CCDC187: variants seen among roughly 807,000 people sequenced by gnomAD.
The protein encoded by CCDC187 is coiled-coil domain-containing protein 187.
Under a neutral mutation model 38.0 loss-of-function variants are expected in CCDC187, and 32 were observed. That is an observed-to-expected ratio of 0.84 (90% CI 0.64 to 1.13). The LOEUF is 1.13. CCDC187 is among the 50% of genes most tolerant of loss of function. CCDC187 has a pLI of 0.00. For missense variants in CCDC187, 707 were observed against 786.8 expected (o/e 0.90, Z 1.21); for synonymous variants, 333 against 347.9 (o/e 0.96, Z 0.48).
rs1334264856 is a variant in CCDC187, at chr9:136,253,823, A to C, written c.6005T>G (p.Leu2002Arg). The C allele has an allele frequency of 1.0e-6, 1 of 985,204 alleles. No homozygotes were observed. Among genetic ancestry groups the C allele is most frequent in the African/African-American group, 1.7e-5 (1 of 57,212 alleles). 61.0% of individuals were successfully genotyped at this position (985,204 alleles called of 1,614,324 possible). Residue 2002 changes from leucine to arginine, a missense_variant, in exon 26 of 26, where the codon CTC becomes CGC. Coordinates refer to ENST00000638797, the MANE Select transcript of CCDC187 (RefSeq NM_001378188.1). ...DELLSYGSADLPSSIHREAPL... is the reference protein window; with the variant it reads ...DELLSYGSADRPSSIHREAPL... Reference sequence around the variant, plus strand: ...GGCCTCCCTGTGGATGGAGGACGGGAGGTCGGCACTGCCGTAGGACAGCAA... The same window carrying C: ...GGCCTCCCTGTGGATGGAGGACGGGCGGTCGGCACTGCCGTAGGACAGCAA...
chr9:136,291,433 C>G lies in CCDC187; in HGVS notation c.1180G>C (p.Gly394Arg), dbSNP rs1831327187. The G allele has an allele frequency of 2.3e-5, 9 of 398,790 alleles. No individual in the cohort carries two copies. Among genetic ancestry groups the G allele is most frequent in the Non-Finnish European group, 1.8e-5 (4 of 226,272 alleles). The allele number at this position is 398,790 out of a possible 1,614,324, so 24.7% of individuals were successfully genotyped here. A position where few individuals can be genotyped will look rare whatever the true frequency, so the allele number is the denominator to read the frequency against. Residue 394 changes from glycine to arginine, a missense_variant, in exon 6 of 26, where the codon GGA (glycine) becomes CGA (arginine). Physicochemically the swap from Gly to Arg is moderately radical, Grantham distance 125. Transcript: ENST00000638797. ...TTTGATGGCCCGAGCTCTTGCCCTC[C>G]CTTGCGGGCCTGGGCCAGCTCCAGC... ...AGLELAQARK[G>R]GQELGPSKRR...
chr9:136,271,026 C>T (rs1830831190), intron 14 of CCDC187, among the ~76,000 whole-genome samples: 2 of 152,168 alleles, frequency 1.3e-5, no homozygotes, highest in African/African-American at 2.4e-5. Context: ...TAACTATTTT[C>T]TTTATTATAC....
rs1357093835 is a variant in CCDC187, at chr9:136,303,102, G to A, written c.335C>T (p.Ser112Leu). 13 of 398,488 alleles carry A rather than the reference G, an allele frequency of 3.3e-5. No homozygotes were observed. The highest frequency in any genetic ancestry group is 1.1e-4 in the East Asian group (3 of 28,086). 24.7% of individuals were successfully genotyped at this position (398,488 alleles called of 1,614,324 possible). A position where few individuals can be genotyped will look rare whatever the true frequency, so the allele number is the denominator to read the frequency against. Residue 112 changes from serine to leucine, a missense_variant, in exon 2 of 26, where the codon TCG (serine) becomes TTG (leucine). By Grantham distance (145) the Ser-to-Leu change is moderately radical. Coordinates refer to ENST00000638797, the MANE Select transcript of CCDC187 (RefSeq NM_001378188.1). ...GCACGAGAGGCGGCCCGATGACACC[G>A]AGCTGTCCCCATCCCTAGCCTCCGG... ...TGPEARDGDSSVSSGRLSCSS... is the reference protein window; with the variant it reads ...TGPEARDGDSLVSSGRLSCSS...
At chr9:136,306,849 A>G (rs1831810176), upstream of CCDC187, 1 of 152,342 alleles carries the variant, frequency 6.6e-6, no homozygotes, top group Non-Finnish European at 1.5e-5. Flanking sequence ...AGAGGCCAAG[A>G]GCCGTGACTG....
chr9:136,268,202 G>A lies in CCDC187; in HGVS notation c.3443-77C>T, dbSNP rs940150747. The stretch of plus-strand genomic sequence containing the variant: ...TGTCAGGGGCCATTTCTACCGGAGG[G>A]CCTCATAAAAGTAGGAGGTCTAGGG... On this transcript the variant is annotated intron_variant, in intron 14 of 25. Coordinates refer to ENST00000638797, the MANE Select transcript of CCDC187 (RefSeq NM_001378188.1). 2.0e-5 allele frequency: 18 copies of A among 921,502 alleles called. No homozygotes were observed. The African/African-American group carries it at 3.0e-4, about 16-fold the overall frequency. The allele number at this position is 921,502 out of a possible 1,614,324, so 57.1% of individuals were successfully genotyped here.
Position 136,255,054 on chromosome 9 carries a change from C to T in CCDC187, c.4774G>A (p.Gly1592Ser), listed in dbSNP as rs560764849. 263 of 985,476 alleles carry T rather than the reference C, an allele frequency of 2.7e-4. No individual in the cohort carries two copies. The highest frequency in any genetic ancestry group is 1.6e-3 in the African/African-American group (93 of 57,338). 61.0% of individuals were successfully genotyped at this position (985,476 alleles called of 1,614,324 possible). The change falls in exon 26 of 26, where the codon GGT becomes AGT. Residue 1592 changes from glycine (G) to serine (S), a missense_variant. Transcript: ENST00000638797. ...CCAGAAGCAGACTCAGAGCCTGGACCGCAGGAGGAGGTGGTGGGGAGAAGG... is the reference window on the plus strand; with the variant it reads ...CCAGAAGCAGACTCAGAGCCTGGACTGCAGGAGGAGGTGGTGGGGAGAAGG... ...SPLLPTTSSC[G>S]PGSESASGTC...
At position 136,268,045 on chromosome 9, in the gene CCDC187, G is replaced by A. The variant is rs958208454; in HGVS notation, c.3519+4C>T. The A allele has an allele frequency of 1.9e-5, 19 of 985,370 alleles. No homozygotes were observed. Among genetic ancestry groups the A allele is most frequent in the Middle Eastern group, 5.2e-4 (1 of 1,936 alleles). The allele number at this position is 985,370 out of a possible 1,614,324, so 61.0% of individuals were successfully genotyped here. A position where few individuals can be genotyped will look rare whatever the true frequency, so the allele number is the denominator to read the frequency against. On this transcript the variant is annotated splice_donor_region_variant and intron_variant, in intron 15 of 25. Coordinates refer to ENST00000638797, the MANE Select transcript of CCDC187 (RefSeq NM_001378188.1). ...CCTCTCCCCCAGGGGACCTCTCCAC[G>A]TACCTGGTGGGTGGGGTTGTCCGGA...
In CCDC187 at chr9:136,251,544, C is replaced by G. The variant is rs1830535922; in HGVS notation, c.*2050G>C. 1 of 166,654 alleles carries G rather than the reference C, an allele frequency of 6.0e-6. No individual in the cohort carries two copies. The highest frequency in any genetic ancestry group is 1.3e-5 in the Non-Finnish European group (1 of 74,852). 10.3% of individuals were successfully genotyped at this position (166,654 alleles called of 1,614,324 possible). A position where few individuals can be genotyped will look rare whatever the true frequency, so the allele number is the denominator to read the frequency against. On this transcript the variant is annotated 3_prime_UTR_variant, in exon 26 of 26. Coordinates refer to ENST00000638797, the MANE Select transcript of CCDC187 (RefSeq NM_001378188.1). ...CAGGCAGATGCCCCTGACTTCTAAG[C>G]AGGGCTCAGGGGTGTGAGTCAGCAC...
chr9:136,274,046 G>C (rs1424143189), intron 14 of CCDC187, among the ~76,000 whole-genome samples: 2 of 152,250 alleles, frequency 1.3e-5, no homozygotes, highest in Admixed American at 1.3e-4. Context: ...GCTGTGCAGA[G>C]AGCTTTCCCA....
At chr9:136,256,964 A>G (rs1191547983) in intron 22 of CCDC187, 123 bp from the exon 23 acceptor site, 1 of 152,276 alleles carries the variant, frequency 6.6e-6, no homozygotes, top group East Asian at 1.9e-4. Context: ...ACCTTTCTAC[A>G]GTGCTTGGTT....
In CCDC187 at chr9:136,255,011, G is replaced by C. The variant is rs145688721; in HGVS notation, c.4817C>G (p.Ser1606Trp). The C allele has an allele frequency of 8.9e-3, 8,785 of 985,464 alleles. 40 individuals carry two copies. The highest frequency in any genetic ancestry group is 9.8e-3 in the Non-Finnish European group (8,173 of 829,958). The allele number at this position is 985,464 out of a possible 1,614,324, so 61.0% of individuals were successfully genotyped here. The change falls in exon 26 of 26, where the codon TCG becomes TGG. Residue 1606 changes from serine to tryptophan, a missense_variant. Transcript: ENST00000638797. ...GTGGGATGACACCGTGGCTTCTTCCGAAGGCCCCCAGCAGGTTCCAGAAGC... is the reference window on the plus strand; with the variant it reads ...GTGGGATGACACCGTGGCTTCTTCCCAAGGCCCCCAGCAGGTTCCAGAAGC... Reference protein sequence around the residue: ...ESASGTCWGPSEEATVSSHTS... With the variant: ...ESASGTCWGPWEEATVSSHTS...
intron 10 of CCDC187, among the ~76,000 whole-genome samples, chr9:136,277,808 C>T (rs1006854145): frequency 2.6e-5 from 4 of 152,152 alleles, no homozygotes; most frequent in South Asian, 2.1e-4. Flanking sequence ...TGTGGATGAG[C>T]GCCTTGGTCA....
chr9:136,259,949 T>C (rs1830661489), intron 20 of CCDC187, among the ~76,000 whole-genome samples, 170 bp downstream of exon 20: 1 of 152,102 alleles, frequency 6.6e-6, no homozygotes. Flanking sequence ...TGTGCTCTGC[T>C]GTGCTGAGAT....
chr9:136,281,924 C>T (rs1416360375), intron 9 of CCDC187, among the ~76,000 whole-genome samples: 2 of 152,092 alleles, frequency 1.3e-5, no homozygotes, highest in Admixed American at 6.5e-5. Context: ...TGCGTCCCAG[C>T]GTGGTGGCGT....
intron 24 of CCDC187, 101 bp downstream of exon 24, chr9:136,256,110 G>A (rs1830608924): frequency 3.5e-6 from 2 of 564,146 alleles, no homozygotes; most frequent in South Asian, 1.5e-4. Context: ...GGTGTGCCAG[G>A]AGAGAGTGAG....
rs1039994557 is a variant in CCDC187, at chr9:136,281,624, G to C, written c.2967C>G (p.Gly989=). 6 of 398,554 alleles carry C rather than the reference G, an allele frequency of 1.5e-5. No homozygotes were observed. Among genetic ancestry groups the C allele is most frequent in the African/African-American group, 1.2e-4 (6 of 48,640 alleles). The allele number at this position is 398,554 out of a possible 1,614,324, so 24.7% of individuals were successfully genotyped here. A position where few individuals can be genotyped will look rare whatever the true frequency, so the allele number is the denominator to read the frequency against. Residue 989 remains glycine (G), a synonymous_variant, in exon 10 of 26, where the codon GGC becomes GGG. Coordinates refer to ENST00000638797, the MANE Select transcript of CCDC187 (RefSeq NM_001378188.1). ...ACGGCGTCTCCTCCAGTCCCAGGGA[G>C]CCCCAGATAGGGTGCAGCGTGGCTG... ...AGPATLHPIW[G]SLGLEETPSV...
rs1830625781 is a variant in CCDC187, at chr9:136,257,376, TA to T, written c.4367-536del. Among the ~76,000 whole-genome samples the T allele has an allele frequency of 1.4e-5, 2 of 147,036 alleles. No homozygotes were observed. On this transcript the variant is annotated intron_variant, in intron 22 of 25. Transcript: ENST00000638797. This position sits in a 1 kb window ranked among gnomAD's most constrained non-coding sequence, Gnocchi z 4.5. ...AGAGAGTGAGACTTTGTCTCAAAAT[TA>T]TAATAATAATAATAATAATAATAAT... is the stretch of plus-strand genomic sequence containing the variant.
At chr9:136,256,374 G>A in intron 23 of CCDC187, 51 bp from the exon 24 acceptor site, 2 of 890,016 alleles carry the variant, frequency 2.2e-6, no homozygotes, top group Non-Finnish European at 2.7e-6. Context: ...CTCTGTCTCT[G>A]TCCACCTCCC....
At chr9:136,293,129 TCACATGCTCACACACTCACAAA>T (rs1831378407) in intron 4 of CCDC187, among the ~76,000 whole-genome samples, 1 of 143,736 alleles carries the variant, frequency 7.0e-6, no homozygotes, top group Non-Finnish European at 1.5e-5. Flanking sequence ...TCACAAACAC[TCACATGCTCACACACTCACAAA>T]CACATGCTCA....
Sources: gnomAD v4.1 joint callset for allele counts (sites outside exome capture counted in the v4.1 genomes callset) on GRCh38, gnomAD v4.1.1 for gene constraint, Gnocchi (gnomAD v3.1) non-coding constraint, MANE v1.5 for transcripts, NCBI Gene and HGNC (gene_info 2026-07-23, HGNC 2026-07-21) for gene names.